Variants in PDZRN3 observed in about 807,000 individuals in gnomAD.
The protein encoded by PDZRN3 is PDZ domain containing ring finger 3.
In PDZRN3, 38 loss-of-function variants were observed where a neutral mutation model predicts 85.7. The ratio of observed to expected loss-of-function variants is 0.44; its 90% CI spans 0.34 to 0.58. PDZRN3 has a LOEUF of 0.58. PDZRN3 is among the 20% of genes least tolerant of loss of function. The probability of loss-of-function intolerance (pLI) is 0.01; values close to 1 mark genes in which losing one functional copy is unlikely to be tolerated. For missense variants in PDZRN3, 1,629 were observed against 1,506.4 expected (o/e 1.08, Z -1.35); for synonymous variants, 759 against 638.0 (o/e 1.19, Z -2.86).
At chr3:73,481,574 C>A (rs1703562150) in intron 3 of PDZRN3, among the ~76,000 whole-genome samples, 1 of 151,894 alleles carries the variant, frequency 6.6e-6, no homozygotes, top group African/African-American at 2.4e-5. Flanking sequence ...AGGTGATCTG[C>A]CCACCTCAGC....
At chr3:73,422,954 T>C (rs1022294341) in intron 3 of PDZRN3, among the ~76,000 whole-genome samples, 3 of 152,292 alleles carry the variant, frequency 2.0e-5, no homozygotes, top group Non-Finnish European at 4.4e-5. Context: ...GTATCTCTTA[T>C]TAAGGAATTA....
intron 3 of PDZRN3, among the ~76,000 whole-genome samples, chr3:73,567,559 C>T (rs1041539492): frequency 1.3e-5 from 2 of 151,990 alleles, no homozygotes; most frequent in African/African-American, 4.8e-5. Context: ...AATTCAAAGC[C>T]CACTGAATTA....
rs879835062 is a variant in PDZRN3 at position 73,524,639 on chromosome 3, AT to A, written c.918+77714del. On this transcript the variant is annotated intron_variant, in intron 3 of 9. Coordinates refer to ENST00000263666, the MANE Select transcript of PDZRN3 (RefSeq NM_015009.3). ...AGATCAACAATTTCTAATAAAAGAGATTTTTTTTTTCCTAGACGGGGCTACA... is the reference window on the plus strand; with the variant it reads ...AGATCAACAATTTCTAATAAAAGAGATTTTTTTTTCCTAGACGGGGCTACA... Among the ~76,000 whole-genome samples, 159 of 150,870 alleles carry A rather than the reference AT, an allele frequency of 1.1e-3. 1 individual carries two copies. Among genetic ancestry groups the A allele is most frequent in the African/African-American group, 2.6e-3 (108 of 41,178 alleles).
intron 6 of PDZRN3, among the ~76,000 whole-genome samples, chr3:73,390,654 T>TGTGTGTGTGAGAGA (rs36036904): frequency 3.0e-4 from 42 of 140,044 alleles, no homozygotes; most frequent in East Asian, 4.3e-4. Flanking sequence ...TGTGTGTGTG[T>TGTGTGTGTGAGAGA]GAGAGAGAGA....
chr3:73,471,590 A>AG (rs992673856), intron 3 of PDZRN3, among the ~76,000 whole-genome samples: 20 of 152,122 alleles, frequency 1.3e-4, no homozygotes, highest in African/African-American at 4.8e-4. Flanking sequence ...ATGTCCTCTG[A>AG]GGGGTCCTCA....
At chr3:73,540,194 A>G (rs1704886086) in intron 3 of PDZRN3, among the ~76,000 whole-genome samples, 1 of 151,950 alleles carries the variant, frequency 6.6e-6, no homozygotes, top group African/African-American at 2.4e-5. Context: ...AATAGGAAAA[A>G]GTCAGTATTT....
chr3:73,590,757 A>C, intron 3 of PDZRN3, among the ~76,000 whole-genome samples: 1 of 152,256 alleles, frequency 6.6e-6, no homozygotes, highest in Middle Eastern at 3.4e-3. Context: ...TCATATGTTA[A>C]TATTATCTCA....
chr3:73,584,452 GGTGT>G (rs56393203), intron 3 of PDZRN3, among the ~76,000 whole-genome samples: 1,862 of 83,896 alleles, frequency 0.022, 32 homozygotes, highest in African/African-American at 0.055. Context: ...TTCATTTAAT[GGTGT>G]GTGTGTGTGT....
At chr3:73,593,480 ACT>A (rs906563754) in intron 3 of PDZRN3, among the ~76,000 whole-genome samples, 7 of 152,242 alleles carry the variant, frequency 4.6e-5, no homozygotes, top group African/African-American at 1.7e-4. Flanking sequence ...TGGGAGAGAC[ACT>A]CTGCCAAAGA....
At chr3:73,574,156 A>G (rs1702083865) in intron 3 of PDZRN3, among the ~76,000 whole-genome samples, 1 of 152,214 alleles carries the variant, frequency 6.6e-6, no homozygotes, top group East Asian at 1.9e-4. Flanking sequence ...GCCCTGTCCG[A>G]TATTTGACAC....
chr3:73,579,502 G>A (rs1273949385), intron 3 of PDZRN3, among the ~76,000 whole-genome samples: 2 of 152,136 alleles, frequency 1.3e-5, no homozygotes, highest in Non-Finnish European at 2.9e-5. Context: ...ACTTTACACT[G>A]TTTTATTATT....
At chr3:73,565,322 G>C (rs1701922577) in intron 3 of PDZRN3, among the ~76,000 whole-genome samples, 1 of 151,938 alleles carries the variant, frequency 6.6e-6, no homozygotes, top group South Asian at 2.1e-4. Context: ...TAGAGACGGG[G>C]TTTCACTATT....
intron 3 of PDZRN3, among the ~76,000 whole-genome samples, chr3:73,406,185 G>A (rs1170995632): frequency 6.6e-6 from 1 of 152,208 alleles, no homozygotes; most frequent in African/African-American, 2.4e-5. Flanking sequence ...CCCCATCCTG[G>A]AGGACTTGGA....
At chr3:73,406,828 G>C (rs527626997) in intron 3 of PDZRN3, among the ~76,000 whole-genome samples, 32 of 152,272 alleles carry the variant, frequency 2.1e-4, no homozygotes, top group Non-Finnish European at 3.8e-4. Context: ...GAGAGGATGG[G>C]GAATTAGAAT....
chr3:73,460,912 G>A (rs1703090969), intron 3 of PDZRN3, among the ~76,000 whole-genome samples: 1 of 151,986 alleles, frequency 6.6e-6, no homozygotes, highest in African/African-American at 2.4e-5. Flanking sequence ...TCCTGCCTCA[G>A]CCTCCTGAGT....
At chr3:73,561,905 C>T (rs1701824059) in intron 3 of PDZRN3, among the ~76,000 whole-genome samples, 2 of 151,598 alleles carry the variant, frequency 1.3e-5, no homozygotes, top group Admixed American at 1.3e-4. Context: ...CACAGAGAAA[C>T]CCAAGTCATT....
In PDZRN3 at chr3:73,383,322, A is replaced by C. The variant is rs1576012036; in HGVS notation, c.*43T>G. ...TGAACGAGGCAGGAATTTCTACCCC[A>C]GTGGTAGTGGTCTCCTTTATGTACA... On this transcript the variant is annotated 3_prime_UTR_variant, in exon 10 of 10. Coordinates refer to ENST00000263666, the MANE Select transcript of PDZRN3 (RefSeq NM_015009.3). 6.6e-7 allele frequency: 1 copy of C among 1,525,388 alleles called. No individual in the cohort carries two copies. 94.5% of individuals were successfully genotyped at this position (1,525,388 alleles called of 1,614,324 possible). A position where few individuals can be genotyped will look rare whatever the true frequency, so the allele number is the denominator to read the frequency against.
intron 3 of PDZRN3, among the ~76,000 whole-genome samples, chr3:73,519,550 A>C (rs1704315665): frequency 6.6e-6 from 1 of 152,170 alleles, no homozygotes; most frequent in South Asian, 2.1e-4. Context: ...ATTTAAAAAG[A>C]GTAAGTGGGA....
chr3:73,407,152 G>T (rs1575628963), intron 3 of PDZRN3, among the ~76,000 whole-genome samples: 1 of 152,192 alleles, frequency 6.6e-6, no homozygotes, highest in Non-Finnish European at 1.5e-5. Flanking sequence ...TGGATGGGAT[G>T]AGAGAGCTGC....
Sources: allele counts gnomAD v4.1 joint callset (sites outside exome capture counted in the v4.1 genomes callset), GRCh38; gene constraint gnomAD v4.1.1; transcripts MANE v1.5; gene names NCBI Gene and HGNC (gene_info 2026-07-23, HGNC 2026-07-21).